Variants in ANKRD10 observed in about 807,000 individuals in gnomAD.
The protein encoded by ANKRD10 is ankyrin repeat domain 10.
In ANKRD10, 14 loss-of-function variants were observed where a neutral mutation model predicts 27.0. That is an observed-to-expected ratio of 0.52 (90% CI 0.34 to 0.81). The LOEUF (loss-of-function observed/expected upper bound fraction) is 0.81. Ranked by LOEUF, ANKRD10 falls within the 40% of genes least tolerant of loss-of-function variation. ANKRD10 has a pLI of 0.01. For missense variants in ANKRD10, 493 were observed against 544.0 expected (o/e 0.91, Z 0.93); for synonymous variants, 250 against 224.5 (o/e 1.11, Z -1.01).
chr13:110,911,843 AG>A (rs1351667295), intron 1 of ANKRD10: 1 of 151,842 alleles, frequency 6.6e-6, no homozygotes, highest in Non-Finnish European at 1.5e-5. Context: ...AACTCGTCAT[AG>A]TCAAAGACTA....
At chr13:110,889,137 A>T (rs1188159336) in intron 4 of ANKRD10, among the ~76,000 whole-genome samples, 4 of 152,216 alleles carry the variant, frequency 2.6e-5, no homozygotes, top group African/African-American at 9.7e-5. Flanking sequence ...GTACATATAA[A>T]AATAATTGTA....
chr13:110,914,625 CGA>C, intron 1 of ANKRD10, 98 bp downstream of exon 1: 1 of 1,430,480 alleles, frequency 7.0e-7, no homozygotes, highest in Non-Finnish European at 9.2e-7. Context: ...TTCCGCCCCG[CGA>C]TCCCGGCACG....
chr13:110,892,739 T>C lies in ANKRD10; in HGVS notation c.691+289A>G, dbSNP rs559108817. 4.6e-6 allele frequency: 5 copies of C among 1,083,698 alleles called. No homozygotes were observed. The East Asian group carries it at 2.4e-4, about 51-fold the overall frequency. 67.1% of individuals were successfully genotyped at this position (1,083,698 alleles called of 1,614,324 possible). ...CTTTAATAGATATATTTCAAACAGA[T>C]ACAACAAATTAAAAAATCTAATTCA... is the stretch of plus-strand genomic sequence containing the variant. On this transcript the variant is annotated intron_variant, in intron 4 of 5. Coordinates refer to ENST00000267339, the MANE Select transcript of ANKRD10 (RefSeq NM_017664.4).
At chr13:110,885,933 TG>T (rs1156546109) in intron 4 of ANKRD10, among the ~76,000 whole-genome samples, 1 of 152,252 alleles carries the variant, frequency 6.6e-6, no homozygotes, top group East Asian at 1.9e-4. Flanking sequence ...TCACGAAAGC[TG>T]GGGTGTTTGT....
rs1291659706 is a variant in ANKRD10, at chr13:110,893,041, T to C, written c.678A>G (p.Lys226=). 1.9e-6 allele frequency: 3 copies of C among 1,614,150 alleles called. No individual in the cohort carries two copies. Among genetic ancestry groups the C allele is most frequent in the Non-Finnish European group, 2.5e-6 (3 of 1,180,006 alleles). The change falls in exon 4 of 6, where the codon AAA becomes AAG. Residue 226 remains lysine (K), a synonymous_variant. Coordinates refer to ENST00000267339, the MANE Select transcript of ANKRD10 (RefSeq NM_017664.4). The part of the protein sequence containing the change: ...LEDSEDFGVK[K]ARTEAQSLDS... ...AAGCGGTCTCACCTTCAGTTCTAGC[T>C]TTCTTTACTCCAAAGTCTTCTGAGT...
chr13:110,915,013 CA>C lies in ANKRD10; in HGVS notation c.-80del. The C allele has an allele frequency of 2.0e-6, 3 of 1,476,180 alleles. No homozygotes were observed. The highest frequency in any genetic ancestry group is 2.7e-6 in the Non-Finnish European group (3 of 1,118,638). 91.4% of individuals were successfully genotyped at this position (1,476,180 alleles called of 1,614,324 possible). A position where few individuals can be genotyped will look rare whatever the true frequency, so the allele number is the denominator to read the frequency against. ...GACTCGAGAAGCCGCCGCCGCAGCACAAAGGAACGAGACTAGCGCCGCGGTC... is the reference window on the plus strand; with the variant it reads ...GACTCGAGAAGCCGCCGCCGCAGCACAAGGAACGAGACTAGCGCCGCGGTC... On this transcript the variant is annotated 5_prime_UTR_variant, in exon 1 of 6. Coordinates refer to ENST00000267339, the MANE Select transcript of ANKRD10 (RefSeq NM_017664.4).
intron 4 of ANKRD10, among the ~76,000 whole-genome samples, chr13:110,888,529 T>C (rs1010207134): frequency 6.6e-6 from 1 of 152,148 alleles, no homozygotes; most frequent in Non-Finnish European, 1.5e-5. Flanking sequence ...CTATAATATG[T>C]AACTAAACTA....
chr13:110,886,166 G>C (rs1413363900), intron 4 of ANKRD10, among the ~76,000 whole-genome samples: 1 of 152,256 alleles, frequency 6.6e-6, no homozygotes, highest in Non-Finnish European at 1.5e-5. Context: ...CTAGGGGCCG[G>C]AAGAGCCGCG....
At chr13:110,912,145 C>G (rs1264845742) in intron 1 of ANKRD10, among the ~76,000 whole-genome samples, 1 of 152,226 alleles carries the variant, frequency 6.6e-6, no homozygotes, top group Non-Finnish European at 1.5e-5. Context: ...AACCCACGTT[C>G]TCTGATCCTG....
intron 3 of ANKRD10, 114 bp from the exon 4 acceptor site, chr13:110,893,377 G>A: frequency 1.1e-6 from 1 of 937,628 alleles, no homozygotes; most frequent in South Asian, 1.8e-5. Context: ...CAAATTCATA[G>A]CAAATCTTCA....
At chr13:110,914,314 C>T (rs2065814945) in intron 1 of ANKRD10, among the ~76,000 whole-genome samples, 2 of 152,206 alleles carry the variant, frequency 1.3e-5, no homozygotes, top group Admixed American at 1.3e-4. Context: ...ACTTCGCGGC[C>T]TAATACCCGG....
At chr13:110,896,675 T>C (rs984731721) in intron 3 of ANKRD10, among the ~76,000 whole-genome samples, 4 of 152,250 alleles carry the variant, frequency 2.6e-5, no homozygotes, top group Admixed American at 2.6e-4. Context: ...ACATTCTCAG[T>C]CCTAACTACT....
At position 110,879,249 on chromosome 13, in the gene ANKRD10, A is replaced by G. The variant is rs770076001; in HGVS notation, c.*388T>C. The G allele has an allele frequency of 4.9e-6, 1 of 203,078 alleles. No individual in the cohort carries two copies. The highest frequency in any genetic ancestry group is 1.0e-5 in the Non-Finnish European group (1 of 97,794). 12.6% of individuals were successfully genotyped at this position (203,078 alleles called of 1,614,324 possible). On this transcript the variant is annotated 3_prime_UTR_variant, in exon 6 of 6. Transcript: ENST00000267339. ...AAAAGAGTGGAAGCAAGCTTTTTAA[A>G]ATGATGCCCATGTGCAAAGAGATAA...
intron 3 of ANKRD10, among the ~76,000 whole-genome samples, chr13:110,901,758 G>A (rs1045094919): frequency 6.6e-6 from 1 of 152,160 alleles, no homozygotes; most frequent in Non-Finnish European, 1.5e-5. Flanking sequence ...TTAGATAAAA[G>A]GAGGCTGCAC....
intron 3 of ANKRD10, chr13:110,894,140 A>C (rs2065155574): frequency 1.2e-6 from 2 of 1,612,344 alleles, no homozygotes; most frequent in Non-Finnish European, 1.7e-6. Context: ...TGAGGGATCA[A>C]AAGTAACTCC....
rs778548128 is a variant in ANKRD10 at position 110,879,659 on chromosome 13, A to G, written c.1241T>C (p.Met414Thr). The change falls in exon 6 of 6, where the codon ATG becomes ACG. Residue 414 changes from methionine (M) to threonine (T), a missense_variant. Transcript: ENST00000267339. ...ERYDSAVLGT[M>T]HLHHGS ...TCTCTAGGAGCCGTGGTGCAGGTGCATGGTGCCCAGCACGGCACTGTCGTA... is the reference window on the plus strand; with the variant it reads ...TCTCTAGGAGCCGTGGTGCAGGTGCGTGGTGCCCAGCACGGCACTGTCGTA... 2 of 1,613,044 alleles carry G rather than the reference A, an allele frequency of 1.2e-6. No individual in the cohort carries two copies. The highest frequency in any genetic ancestry group is 1.7e-6 in the Non-Finnish European group (2 of 1,179,636).
chr13:110,882,923 T>C (rs545958878), intron 5 of ANKRD10, among the ~76,000 whole-genome samples: 6 of 152,366 alleles, frequency 3.9e-5, no homozygotes, highest in African/African-American at 9.6e-5. Flanking sequence ...GTTAAGAGAA[T>C]GGCTAAAAAT....
chr13:110,887,542 C>A (rs1016959436), intron 4 of ANKRD10, among the ~76,000 whole-genome samples: 4 of 152,126 alleles, frequency 2.6e-5, no homozygotes, highest in Non-Finnish European at 5.9e-5. Context: ...ACATAAAAAA[C>A]CAAAAAGCAC....
rs143581628 is a variant in ANKRD10, at chr13:110,904,831, A to G, written c.455+1202T>C. ...CATGTTTATAATACCAGATCACTAT[A>G]TAAGGATCACAGCCCAAACTAATGG... On this transcript the variant is annotated intron_variant, in intron 3 of 5. Coordinates refer to ENST00000267339, the MANE Select transcript of ANKRD10 (RefSeq NM_017664.4). Among the ~76,000 whole-genome samples the G allele has an allele frequency of 3.2e-4, 49 of 152,362 alleles. No homozygotes were observed. The East Asian group carries it at 9.0e-3, about 28-fold the overall frequency.
Sources: allele counts gnomAD v4.1 joint callset (sites outside exome capture counted in the v4.1 genomes callset), GRCh38; gene constraint gnomAD v4.1.1; transcripts MANE v1.5; gene names NCBI Gene and HGNC (gene_info 2026-07-23, HGNC 2026-07-21).